The following ATP2C1 variants were observed in gnomAD, a reference collection of about 807,000 sequenced individuals.
ATP2C1 encodes the protein calcium-transporting ATPase type 2C member 1.
A neutral mutation model predicts 120.5 loss-of-function variants in ATP2C1; 31 were observed. The ratio of observed to expected loss-of-function variants is 0.26; its 90% CI spans 0.19 to 0.35. ATP2C1 has a LOEUF of 0.35. ATP2C1 is among the 10% of genes least tolerant of loss of function. The probability of loss-of-function intolerance (pLI) is 1.00; values close to 1 mark genes in which losing one functional copy is unlikely to be tolerated. For synonymous variants in ATP2C1, 351 were observed against 358.7 expected (o/e 0.98, Z 0.24); for missense variants, 731 against 1,107.5 (o/e 0.66, Z 4.83).
chr3:130,985,499 G>C (rs780526076), intron 20 of ATP2C1, among the ~76,000 whole-genome samples: 3 of 151,896 alleles, frequency 2.0e-5, no homozygotes, highest in Non-Finnish European at 4.4e-5. Flanking sequence ...TGGGTGTGGT[G>C]GTGGGCGCCT....
At chr3:130,854,417 G>A (rs1186731798) in intron 1 of ATP2C1, 2 of 152,196 alleles carry the variant, frequency 1.3e-5, no homozygotes, top group Non-Finnish European at 2.9e-5. Flanking sequence ...AAGGGTGTTT[G>A]GTTTCGGTTA....
At chr3:130,998,123 C>T (rs2062717721) in intron 25 of ATP2C1, among the ~76,000 whole-genome samples, 171 bp from the exon 26 acceptor site, 1 of 151,094 alleles carries the variant, frequency 6.6e-6, no homozygotes, top group Non-Finnish European at 1.5e-5. Context: ...ATGTAGATTA[C>T]AGCTATTCAC....
intron 2 of ATP2C1, among the ~76,000 whole-genome samples, chr3:130,895,147 T>C (rs1028793427): frequency 6.6e-6 from 1 of 152,210 alleles, no homozygotes; most frequent in Non-Finnish European, 1.5e-5. Context: ...GCTGCATCTC[T>C]GTATATTGGC....
At chr3:130,924,008 G>C (rs2059088326) in intron 2 of ATP2C1, among the ~76,000 whole-genome samples, 1 of 152,068 alleles carries the variant, frequency 6.6e-6, no homozygotes, top group South Asian at 2.1e-4. Context: ...TTGGTTCGTG[G>C]ATTTTTATCC....
intron 8 of ATP2C1, among the ~76,000 whole-genome samples, chr3:130,952,447 G>C (rs533880102): frequency 3.3e-5 from 5 of 152,100 alleles, no homozygotes; most frequent in Non-Finnish European, 7.4e-5. Context: ...TTTATGCTCA[G>C]AAGTGAACCA....
intron 2 of ATP2C1, among the ~76,000 whole-genome samples, chr3:130,927,458 G>C (rs1256055863): frequency 6.6e-6 from 1 of 152,008 alleles, no homozygotes; most frequent in East Asian, 1.9e-4. Context: ...AGCCAGGATG[G>C]TCTCGATCTC....
rs538431484 is a variant in ATP2C1 at position 130,992,639 on chromosome 3, G to T, written c.1840-312G>T. Reference sequence around the variant, plus strand: ...AGTGTCATAGGAAACAGACGCAAGAGAATTTTTCCTTTTTTTGTCTCTGGA... The same window carrying T: ...AGTGTCATAGGAAACAGACGCAAGATAATTTTTCCTTTTTTTGTCTCTGGA... On this transcript the variant is annotated intron_variant, in intron 20 of 27. Transcript: ENST00000510168. Among the ~76,000 whole-genome samples, 44 of 152,298 alleles carry T rather than the reference G, an allele frequency of 2.9e-4. No homozygotes were observed. In the East Asian group the frequency reaches 8.1e-3, roughly 28 times the overall value.
chr3:130,918,039 C>T (rs533312979), intron 2 of ATP2C1, among the ~76,000 whole-genome samples: 1 of 151,434 alleles, frequency 6.6e-6, no homozygotes, highest in Non-Finnish European at 1.5e-5. Context: ...AAAATGCTGG[C>T]GAATAAAGCA....
chr3:130,977,327 G>A (rs749828195), intron 18 of ATP2C1, among the ~76,000 whole-genome samples: 8 of 152,114 alleles, frequency 5.3e-5, no homozygotes, highest in African/African-American at 1.7e-4. Context: ...TAAAAAGACC[G>A]TTGGTGAACA....
chr3:130,863,142 G>A (rs934201005), intron 1 of ATP2C1, among the ~76,000 whole-genome samples: 2 of 151,890 alleles, frequency 1.3e-5, no homozygotes, highest in East Asian at 1.9e-4. Flanking sequence ...GCCATATAGC[G>A]CTTCAAAAAA....
intron 1 of ATP2C1, among the ~76,000 whole-genome samples, chr3:130,862,845 T>C (rs1043393502): frequency 9.9e-5 from 15 of 152,254 alleles, no homozygotes; most frequent in African/African-American, 3.6e-4. Context: ...ATCCAAGACA[T>C]ACCTATGGCC....
intron 1 of ATP2C1, among the ~76,000 whole-genome samples, chr3:130,865,146 C>G (rs187183543): frequency 1.3e-5 from 2 of 152,322 alleles, no homozygotes; most frequent in East Asian, 3.9e-4. Flanking sequence ...ATCAGCATGA[C>G]CTGGATGTGA....
At chr3:130,999,454 A>G in intron 26 of ATP2C1, 64 bp from the exon 27 acceptor site, 1 of 1,536,076 alleles carries the variant, frequency 6.5e-7, no homozygotes, top group Non-Finnish European at 9.0e-7. Flanking sequence ...TTAGAAGTGA[A>G]TATAATAAAG....
intron 2 of ATP2C1, among the ~76,000 whole-genome samples, chr3:130,901,633 G>C (rs1311041151): frequency 1.3e-5 from 2 of 152,034 alleles, no homozygotes; most frequent in Admixed American, 1.3e-4. Flanking sequence ...CGATTTAGGG[G>C]CTGGCTGAAG....
chr3:130,854,262 T>C (rs1360650788), intron 1 of ATP2C1: 1 of 152,220 alleles, frequency 6.6e-6, no homozygotes, highest in African/African-American at 2.4e-5. Flanking sequence ...GAGATGAAGA[T>C]GCTGAAGGTT....
chr3:130,901,976 G>GT (rs1399136010), intron 2 of ATP2C1, among the ~76,000 whole-genome samples: 1 of 151,978 alleles, frequency 6.6e-6, no homozygotes, highest in Non-Finnish European at 1.5e-5. Context: ...GCTACAATCC[G>GT]TAAGACAGCA....
intron 2 of ATP2C1, among the ~76,000 whole-genome samples, chr3:130,919,306 C>G (rs2058841803): frequency 6.6e-6 from 1 of 151,680 alleles, no homozygotes; most frequent in African/African-American, 2.4e-5. Flanking sequence ...CTTACTACAA[C>G]CTCTGCCTCC....
intron 26 of ATP2C1, among the ~76,000 whole-genome samples, chr3:131,012,260 C>CTTTTTTTTTT (rs71620100): frequency 1.6e-5 from 2 of 127,214 alleles, no homozygotes; most frequent in African/African-American, 3.0e-5. Context: ...TTTCTTTTTT[C>CTTTTTTTTTT]TTTTTTTTTT....
chr3:130,913,344 A>G (rs532273169), intron 2 of ATP2C1, among the ~76,000 whole-genome samples: 1 of 152,304 alleles, frequency 6.6e-6, no homozygotes, highest in African/African-American at 2.4e-5. Flanking sequence ...CATCTTGGAT[A>G]AGTATGCTAT....
Sources: gnomAD v4.1 joint callset for allele counts (sites outside exome capture counted in the v4.1 genomes callset) on GRCh38, gnomAD v4.1.1 for gene constraint, MANE v1.5 for transcripts, NCBI Gene and HGNC (gene_info 2026-07-23, HGNC 2026-07-21) for gene names.